Variants in ADAMTS17 observed in about 807,000 individuals in gnomAD.
ADAMTS17 encodes ADAM metallopeptidase with thrombospondin type 1 motif 17, also known as A disintegrin and metalloproteinase with thrombospondin motifs 17.
ADAMTS17 carries 113 observed loss-of-function variants against 141.5 expected under a neutral mutation model. The observed-to-expected ratio is 0.80, with a 90% CI of 0.69 to 0.93. The LOEUF (loss-of-function observed/expected upper bound fraction) is 0.93, where lower values mean the gene tolerates loss of function less well. Among genes scored for constraint, ADAMTS17 ranks in the 40% least tolerant of loss-of-function variants. ADAMTS17 has a pLI of 0.00. For missense variants in ADAMTS17, 1,659 were observed against 1,517.9 expected, an observed-to-expected ratio of 1.09 and a Z score of -1.54; for synonymous variants, 768 against 630.6, an observed-to-expected ratio of 1.22 and a Z score of -3.27.
chr15:100,131,862 G>A, intron 12 of ADAMTS17, 145 bp downstream of exon 12: 1 of 1,246,914 alleles, frequency 8.0e-7, no homozygotes, highest in South Asian at 1.4e-5. Context: ...CGAGGTCCCT[G>A]CACCCTGGAC....
At chr15:100,113,848 G>A (rs1194021763) in intron 13 of ADAMTS17, among the ~76,000 whole-genome samples, 1 of 152,228 alleles carries the variant, frequency 6.6e-6, no homozygotes, top group Non-Finnish European at 1.5e-5. Context: ...CCAGGCAGGA[G>A]GCGCTGGGAA....
At chr15:100,040,374 A>G (rs958133296) in intron 18 of ADAMTS17, among the ~76,000 whole-genome samples, 7 of 152,204 alleles carry the variant, frequency 4.6e-5, no homozygotes, top group Non-Finnish European at 8.8e-5. Flanking sequence ...TCGCTTTGTA[A>G]TCTTTTTTGG....
chr15:100,337,130 T>A (rs2046230642), intron 2 of ADAMTS17, among the ~76,000 whole-genome samples: 1 of 152,246 alleles, frequency 6.6e-6, no homozygotes, highest in Non-Finnish European at 1.5e-5. Flanking sequence ...CACCTCGGCC[T>A]TCCAAAGTGC....
intron 7 of ADAMTS17, among the ~76,000 whole-genome samples, chr15:100,225,155 G>C (rs1014924958): frequency 4.7e-4 from 71 of 152,262 alleles, no homozygotes; most frequent in African/African-American, 1.6e-3. Context: ...ATTGCTCCAA[G>C]ATTGGAAACA....
intron 13 of ADAMTS17, among the ~76,000 whole-genome samples, chr15:100,110,158 A>T (rs2036664528): frequency 8.7e-6 from 1 of 114,476 alleles, no homozygotes; most frequent in African/African-American, 3.7e-5. Flanking sequence ...TGGCTCACAG[A>T]AAGACTCAGT....
intron 7 of ADAMTS17, among the ~76,000 whole-genome samples, chr15:100,230,504 G>A (rs1479295536): frequency 1.3e-5 from 2 of 152,212 alleles, no homozygotes; most frequent in African/African-American, 4.8e-5. Flanking sequence ...AAGGGGTGGA[G>A]GAAACGGGGT....
chr15:100,108,004 C>T (rs1054626917), intron 14 of ADAMTS17, among the ~76,000 whole-genome samples: 4 of 152,084 alleles, frequency 2.6e-5, no homozygotes, highest in African/African-American at 4.8e-5. Context: ...CCAGCTGCTG[C>T]GCCACCTCAG....
intron 7 of ADAMTS17, among the ~76,000 whole-genome samples, chr15:100,218,495 C>T (rs2042035665): frequency 6.6e-6 from 1 of 152,160 alleles, no homozygotes; most frequent in Admixed American, 6.5e-5. Context: ...TCAACATCAG[C>T]CATTAGAGAA....
intron 8 of ADAMTS17, among the ~76,000 whole-genome samples, chr15:100,156,267 C>G (rs35608137): frequency 0.045 from 6,906 of 152,244 alleles, 169 homozygotes; most frequent in Middle Eastern, 0.068. Flanking sequence ...AGATATCTGA[C>G]CATCTTCCGT....
chr15:100,174,717 G>C (rs1166288473), intron 8 of ADAMTS17, among the ~76,000 whole-genome samples: 1 of 152,168 alleles, frequency 6.6e-6, no homozygotes, highest in Non-Finnish European at 1.5e-5. Context: ...TACACAACTT[G>C]TCCTCAAACC....
At chr15:100,072,022 A>C (rs1469255300) in intron 15 of ADAMTS17, among the ~76,000 whole-genome samples, 4 of 150,190 alleles carry the variant, frequency 2.7e-5, no homozygotes, top group Non-Finnish European at 5.9e-5. Flanking sequence ...ATCTCAGCCC[A>C]AAATCTCCTT....
intron 2 of ADAMTS17, among the ~76,000 whole-genome samples, chr15:100,336,854 A>T (rs937492672): frequency 1.3e-5 from 2 of 152,168 alleles, no homozygotes; most frequent in African/African-American, 4.8e-5. Flanking sequence ...CTGCCCTCTT[A>T]AAAGTGGGGT....
At chr15:100,195,453 A>T (rs935473277) in intron 8 of ADAMTS17, among the ~76,000 whole-genome samples, 1 of 152,154 alleles carries the variant, frequency 6.6e-6, no homozygotes, top group Admixed American at 6.5e-5. Context: ...AAAATCTCAG[A>T]TTCATTTATG....
chr15:100,161,330 G>A (rs1189650720), intron 8 of ADAMTS17, among the ~76,000 whole-genome samples: 1 of 152,178 alleles, frequency 6.6e-6, no homozygotes, highest in African/African-American at 2.4e-5. Context: ...GACCGTACCT[G>A]TCTCTCAGAA....
At chr15:100,305,457 C>A (rs2141833834) in intron 3 of ADAMTS17, among the ~76,000 whole-genome samples, 1 of 152,354 alleles carries the variant, frequency 6.6e-6, no homozygotes, top group South Asian at 2.1e-4. Flanking sequence ...GACAAGAGCG[C>A]TGGCAAAAGC....
rs1470176234 is a variant in ADAMTS17, at chr15:100,163,340, G to C, written c.1182-8020C>G. On this transcript the variant is annotated intron_variant, in intron 8 of 21. Transcript: ENST00000268070. ...ACACTGACACCCTGAGAGTGTGTGA[G>C]ATAAAGCCATGTATCCACCCTTCTC... Among the ~76,000 whole-genome samples the C allele has an allele frequency of 3.3e-5, 5 of 152,138 alleles. No homozygotes were observed. In the East Asian group the frequency reaches 9.6e-4, roughly 29 times the overall value.
chr15:100,240,624 T>A (rs1477952727), intron 7 of ADAMTS17, among the ~76,000 whole-genome samples: 1 of 152,192 alleles, frequency 6.6e-6, no homozygotes, highest in Non-Finnish European at 1.5e-5. Context: ...TGAGCCTTCA[T>A]CTTCCAGCAG....
At chr15:100,077,415 T>C (rs1031274181) in intron 15 of ADAMTS17, among the ~76,000 whole-genome samples, 6 of 150,094 alleles carry the variant, frequency 4.0e-5, no homozygotes, top group Non-Finnish European at 8.8e-5. Context: ...TGATCCGAGA[T>C]TGTGCAACTG....
At chr15:99,977,712 G>C (rs1169014414) in intron 20 of ADAMTS17, among the ~76,000 whole-genome samples, 2 of 151,802 alleles carry the variant, frequency 1.3e-5, no homozygotes, top group African/African-American at 4.8e-5. Flanking sequence ...CACCGTGCCT[G>C]GTGTCTCTTC....
Sources: allele counts gnomAD v4.1 joint callset (sites outside exome capture counted in the v4.1 genomes callset), GRCh38; gene constraint gnomAD v4.1.1; transcripts MANE v1.5; gene names NCBI Gene and HGNC (gene_info 2026-07-23, HGNC 2026-07-21).